The following PARD3B variants were observed in gnomAD, a reference collection of about 807,000 sequenced individuals.
PARD3B encodes par-3 family cell polarity regulator beta.
A neutral mutation model predicts 130.2 loss-of-function variants in PARD3B; 103 were observed. The observed-to-expected ratio is 0.79, with a 90% CI of 0.67 to 0.93. PARD3B has a LOEUF of 0.93. PARD3B is among the 40% of genes least tolerant of loss of function. The pLI is 0.00. For synonymous variants in PARD3B, 583 were observed against 553.2 expected, an observed-to-expected ratio of 1.05 and a Z score of -0.76; for missense variants, 1,609 against 1,499.2, an observed-to-expected ratio of 1.07 and a Z score of -1.21.
intron 14 of PARD3B, among the ~76,000 whole-genome samples, chr2:205,192,087 C>G (rs1358079293): frequency 2.0e-5 from 3 of 152,168 alleles, no homozygotes; most frequent in Non-Finnish European, 4.4e-5. Flanking sequence ...TTTGGCAATA[C>G]TATTATTGCT....
chr2:204,853,749 A>G (rs978533097), intron 2 of PARD3B, among the ~76,000 whole-genome samples: 1 of 152,230 alleles, frequency 6.6e-6, no homozygotes, highest in Non-Finnish European at 1.5e-5. Flanking sequence ...CTGAGGAGTC[A>G]TCAGTGAATG....
chr2:204,900,102 A>C (rs2046803050), intron 2 of PARD3B, among the ~76,000 whole-genome samples: 1 of 152,068 alleles, frequency 6.6e-6, no homozygotes, highest in African/African-American at 2.4e-5. Context: ...ATTTGGGCTA[A>C]ATCCGCCTGG....
intron 19 of PARD3B, among the ~76,000 whole-genome samples, chr2:205,402,482 G>C (rs1219352252): frequency 1.3e-5 from 2 of 152,174 alleles, no homozygotes; most frequent in African/African-American, 4.8e-5. Flanking sequence ...CTGTTTTCTA[G>C]AATGCAGACT....
intron 4 of PARD3B, among the ~76,000 whole-genome samples, chr2:205,069,833 C>G (rs1700615007): frequency 6.6e-6 from 1 of 152,098 alleles, no homozygotes; most frequent in Non-Finnish European, 1.5e-5. Flanking sequence ...AGGCAGCTGG[C>G]CTTTGTAGAG....
chr2:205,402,576 T>C (rs1266371454), intron 19 of PARD3B, among the ~76,000 whole-genome samples: 1 of 152,098 alleles, frequency 6.6e-6, no homozygotes, highest in African/African-American at 2.4e-5. Flanking sequence ...AGCTAGAAAA[T>C]TGATAACCCA....
At chr2:205,401,219 G>T (rs879868437) in intron 19 of PARD3B, 96 bp downstream of exon 19, 12 of 1,015,652 alleles carry the variant, frequency 1.2e-5, no homozygotes, top group Non-Finnish European at 1.8e-5. Context: ...TTCATTTTAA[G>T]AAGTATAGGG....
rs545130256 is a variant in PARD3B, at chr2:204,892,602, A to G, written c.223-72550A>G. Reference sequence around the variant, plus strand: ...GATATATAATTACAGTAATAGGATCACTAGCTGCTGTACTGAGAAAAGATA... The same window carrying G: ...GATATATAATTACAGTAATAGGATCGCTAGCTGCTGTACTGAGAAAAGATA... On this transcript the variant is annotated intron_variant, in intron 2 of 22. Transcript: ENST00000406610. 2.6e-5 allele frequency among the ~76,000 whole-genome samples: 4 copies of G among 152,340 alleles called. No homozygotes were observed. The South Asian group carries it at 8.3e-4, about 32-fold the overall frequency.
chr2:204,595,483 C>CA (rs1393468520), intron 1 of PARD3B, among the ~76,000 whole-genome samples: 2 of 152,196 alleles, frequency 1.3e-5, no homozygotes, highest in African/African-American at 4.8e-5. Flanking sequence ...GTGCTGGTGA[C>CA]ACTGCTGTCT....
intron 3 of PARD3B, among the ~76,000 whole-genome samples, chr2:205,035,431 C>T (rs1304911343): frequency 6.6e-6 from 1 of 151,958 alleles, no homozygotes; most frequent in African/African-American, 2.4e-5. Context: ...GTCAAGGTAT[C>T]GATGAGAACT....
At chr2:205,031,155 A>G (rs1346752683) in intron 3 of PARD3B, among the ~76,000 whole-genome samples, 1 of 152,136 alleles carries the variant, frequency 6.6e-6, no homozygotes, top group African/African-American at 2.4e-5. Context: ...GAAAGGAACA[A>G]ATTAAAAGGT....
chr2:205,597,674 A>T (rs2106616303), intron 22 of PARD3B, among the ~76,000 whole-genome samples: 1 of 152,214 alleles, frequency 6.6e-6, no homozygotes, highest in Non-Finnish European at 1.5e-5. Context: ...CTGCAGCCTC[A>T]CCAGCATCTG....
At chr2:204,880,901 T>C (rs767648640) in intron 2 of PARD3B, among the ~76,000 whole-genome samples, 1 of 152,158 alleles carries the variant, frequency 6.6e-6, no homozygotes, top group Admixed American at 6.5e-5. Context: ...AGTGTTTCTG[T>C]TTATATATGT....
intron 18 of PARD3B, among the ~76,000 whole-genome samples, chr2:205,310,083 CTTTT>C (rs34247571): frequency 3.2e-5 from 4 of 124,344 alleles, no homozygotes; most frequent in Admixed American, 1.6e-4. Context: ...AAAATCTACT[CTTTT>C]TTTTTTTTTT....
chr2:205,106,095 G>A (rs1263890392), intron 5 of PARD3B, among the ~76,000 whole-genome samples: 1 of 151,734 alleles, frequency 6.6e-6, no homozygotes, highest in South Asian at 2.1e-4. Flanking sequence ...AGGGAATTGA[G>A]AGAAATGGAG....
chr2:205,287,712 G>A lies in PARD3B; in HGVS notation c.2186-12818G>A, dbSNP rs2041448996. On this transcript the variant is annotated intron_variant, in intron 16 of 22. Coordinates refer to ENST00000406610, the MANE Select transcript of PARD3B (RefSeq NM_001302769.2). The surrounding 1 kb of genome is among the most constrained non-coding windows in gnomAD (Gnocchi z 4.8). ...GAAAAAGAATGGATGTCAGCACTCG[G>A]GGGAGAAAAGAGAGACAGTTTAGGA... is the stretch of plus-strand genomic sequence containing the variant. Among the ~76,000 whole-genome samples, 1 of 152,096 alleles carries A rather than the reference G, an allele frequency of 6.6e-6. No homozygotes were observed. The highest frequency in any genetic ancestry group is 2.4e-5 in the African/African-American group (1 of 41,414).
chr2:205,215,950 A>G (rs13401325), intron 15 of PARD3B, among the ~76,000 whole-genome samples: 38,997 of 151,920 alleles, frequency 0.26, 5,398 homozygotes, highest in East Asian at 0.38. Context: ...GAAATAAAAA[A>G]TGTTAATGGT....
chr2:205,273,983 C>T (rs1021250073), intron 16 of PARD3B, among the ~76,000 whole-genome samples: 4 of 152,138 alleles, frequency 2.6e-5, no homozygotes, highest in Admixed American at 2.0e-4. Context: ...GCAGAGCACA[C>T]ACCACCATGA....
intron 4 of PARD3B, among the ~76,000 whole-genome samples, chr2:205,088,202 T>G (rs1701860499): frequency 1.3e-5 from 2 of 152,122 alleles, no homozygotes; most frequent in South Asian, 4.1e-4. Flanking sequence ...TAATGGAAAC[T>G]GAGGATCATG....
intron 2 of PARD3B, among the ~76,000 whole-genome samples, chr2:204,736,502 C>T (rs1424565673): frequency 6.6e-6 from 1 of 152,112 alleles, no homozygotes; most frequent in Non-Finnish European, 1.5e-5. Flanking sequence ...AGCTTAACTT[C>T]CACTAGTGAG....
Sources: gnomAD v4.1 joint callset for allele counts (sites outside exome capture counted in the v4.1 genomes callset) on GRCh38, gnomAD v4.1.1 for gene constraint, Gnocchi (gnomAD v3.1) non-coding constraint, MANE v1.5 for transcripts, NCBI Gene and HGNC (gene_info 2026-07-23, HGNC 2026-07-21) for gene names.